The following LMO7 variants were observed in gnomAD, a reference collection of about 807,000 sequenced individuals.
LMO7 encodes the protein LIM domain only protein 7.
LMO7 carries 120 observed loss-of-function variants against 206.5 expected under a neutral mutation model. The ratio of observed to expected loss-of-function variants is 0.58; its 90% CI spans 0.50 to 0.68. The LOEUF (loss-of-function observed/expected upper bound fraction) is 0.68. LMO7 is among the 30% of genes least tolerant of loss of function. The pLI is 0.00. For missense variants in LMO7, 1,959 were observed against 1,957.9 expected (o/e 1.00, Z -0.01); for synonymous variants, 706 against 681.5 (o/e 1.04, Z -0.56).
intron 4 of LMO7, among the ~76,000 whole-genome samples, chr13:75,784,029 C>T (rs1180105930): frequency 6.6e-6 from 1 of 151,740 alleles, no homozygotes; most frequent in Non-Finnish European, 1.5e-5. Context: ...AAATTTTGTA[C>T]CCCCCTTCCC....
chr13:75,777,297 T>A (rs2050641730), intron 4 of LMO7, among the ~76,000 whole-genome samples: 1 of 152,248 alleles, frequency 6.6e-6, no homozygotes, highest in African/African-American at 2.4e-5. Flanking sequence ...AGCCTTAAAT[T>A]TTAAAGACAA....
rs762001548 is a variant in LMO7 at position 75,807,540 on chromosome 13, A to G, written c.1257A>G (p.Thr419=). The G allele has an allele frequency of 7.4e-6, 12 of 1,613,926 alleles. No individual in the cohort carries two copies. Among genetic ancestry groups the G allele is most frequent in the Non-Finnish European group, 9.3e-6 (11 of 1,179,868 alleles). Residue 419 remains threonine, a synonymous_variant, in exon 10 of 31, where the codon ACA becomes ACG. Transcript: ENST00000377534. ...CTGATGACATCTTGTCTTCTGAAAC[A>G]CATACCAAAATTGATCCCACTTCTG... is the stretch of plus-strand genomic sequence containing the variant. The part of the protein sequence containing the change: ...TYSDDILSSE[T]HTKIDPTSGP...
intron 4 of LMO7, among the ~76,000 whole-genome samples, chr13:75,763,598 A>G (rs1055414473): frequency 2.0e-5 from 3 of 152,198 alleles, no homozygotes; most frequent in Non-Finnish European, 2.9e-5. Context: ...AAGGTGTAGC[A>G]AATGATTTGA....
At position 75,737,448 on chromosome 13, in the gene LMO7, C is replaced by A. The variant is rs534871425; in HGVS notation, c.210+10350C>A. On this transcript the variant is annotated intron_variant, in intron 3 of 30. Coordinates refer to ENST00000377534, the MANE Select transcript of LMO7 (RefSeq NM_001306080.2). ...AGATAGGTACATGTTTTAGTTAATA[C>A]CTTTTTTAAAAAAAAAAAAACTTGG... is the stretch of plus-strand genomic sequence containing the variant. Among the ~76,000 whole-genome samples the A allele has an allele frequency of 7.4e-5, 11 of 148,092 alleles. No individual in the cohort carries two copies. The South Asian group carries it at 1.9e-3, about 26-fold the overall frequency.
intron 26 of LMO7, among the ~76,000 whole-genome samples, chr13:75,846,129 G>C (rs569711938): frequency 2.0e-5 from 3 of 152,042 alleles, no homozygotes; most frequent in African/African-American, 7.2e-5. Context: ...CTGTTTTCAT[G>C]TGTTATCTTT....
intron 1 of LMO7, among the ~76,000 whole-genome samples, chr13:75,706,842 T>C (rs905497917): frequency 2.0e-5 from 3 of 152,304 alleles, no homozygotes; most frequent in African/African-American, 7.2e-5. Flanking sequence ...AGTTACTCTT[T>C]TACTGAGTAC....
chr13:75,788,894 C>T (rs2052835981), intron 4 of LMO7: 1 of 152,316 alleles, frequency 6.6e-6, no homozygotes, highest in African/African-American at 2.4e-5. Flanking sequence ...GGGAAGTGGC[C>T]TCAGGAAGTA....
chr13:75,766,975 AGCAG>A (rs1447613732), intron 4 of LMO7, among the ~76,000 whole-genome samples: 1 of 152,150 alleles, frequency 6.6e-6, no homozygotes, highest in African/African-American at 2.4e-5. Context: ...AATCTGGCAA[AGCAG>A]GCACTGAACT....
chr13:75,620,801 G>A (rs545521629), exon 1 of LMO7: 15 of 152,194 alleles, frequency 9.9e-5, no homozygotes, highest in African/African-American at 3.1e-4. Flanking sequence ...AAGTGGCTGC[G>A]TTATGAAAAT....
At chr13:75,633,678 A>T (rs991600405), upstream of LMO7, among the ~76,000 whole-genome samples, 1 of 152,240 alleles carries the variant, frequency 6.6e-6, no homozygotes, top group South Asian at 2.1e-4. Context: ...CTAAAATGCA[A>T]TGGGTGGTCA....
intron 1 of LMO7, among the ~76,000 whole-genome samples, chr13:75,694,462 T>C (rs1043340961): frequency 3.9e-5 from 6 of 152,290 alleles, no homozygotes; most frequent in African/African-American, 1.4e-4. Context: ...TGAGGAAGAC[T>C]GTTTTGATTT....
At chr13:75,841,310 C>T (rs2059541562) in intron 23 of LMO7, 109 bp downstream of exon 23, 2 of 712,454 alleles carry the variant, frequency 2.8e-6, no homozygotes, top group Middle Eastern at 2.7e-4. Flanking sequence ...CATATGTTCA[C>T]CTGTGTAGCT....
chr13:75,824,053 A>G (rs1314290665), intron 15 of LMO7, among the ~76,000 whole-genome samples, 180 bp downstream of exon 15: 1 of 152,208 alleles, frequency 6.6e-6, no homozygotes, highest in Non-Finnish European at 1.5e-5. Flanking sequence ...CTCTGAGTGC[A>G]TAGATCCAGA....
At chr13:75,675,262 C>T (rs952733690) in intron 1 of LMO7, among the ~76,000 whole-genome samples, 15 of 151,732 alleles carry the variant, frequency 9.9e-5, no homozygotes, top group South Asian at 2.1e-4. Flanking sequence ...TTAGTAGAGA[C>T]GGGGTTTCAC....
chr13:75,697,860 C>G (rs1036085646), intron 1 of LMO7, among the ~76,000 whole-genome samples: 2 of 152,110 alleles, frequency 1.3e-5, no homozygotes, highest in African/African-American at 4.8e-5. Context: ...AAGCTGGAAA[C>G]TTTGTTGAGA....
chr13:75,825,026 T>A (rs1374916240), intron 15 of LMO7, among the ~76,000 whole-genome samples: 1 of 152,186 alleles, frequency 6.6e-6, no homozygotes, highest in Non-Finnish European at 1.5e-5. Flanking sequence ...TAATTTAAAT[T>A]GCTGATAATT....
At chr13:75,807,174 G>T in intron 9 of LMO7, 1 of 285,024 alleles carries the variant, frequency 3.5e-6, no homozygotes. Flanking sequence ...AGTGGCTTTT[G>T]TGTGTGCCTG....
chr13:75,804,779 A>G, intron 8 of LMO7: 1 of 1,092,658 alleles, frequency 9.2e-7, no homozygotes, highest in Non-Finnish European at 1.2e-6. Context: ...ACTTCAGTTT[A>G]TTGGTATTTT....
At chr13:75,780,867 T>C (rs1246673231) in intron 4 of LMO7, among the ~76,000 whole-genome samples, 1 of 152,188 alleles carries the variant, frequency 6.6e-6, no homozygotes, top group African/African-American at 2.4e-5. Flanking sequence ...TTCCCTGACT[T>C]CCTGCAACAA....
Sources: gnomAD v4.1 joint callset for allele counts (sites outside exome capture counted in the v4.1 genomes callset) on GRCh38, gnomAD v4.1.1 for gene constraint, MANE v1.5 for transcripts, NCBI Gene and HGNC (gene_info 2026-07-23, HGNC 2026-07-21) for gene names.